The following FXN variants were observed in gnomAD, a reference collection of about 807,000 sequenced individuals.
FXN encodes frataxin, also known as frataxin, mitochondrial.
In FXN, 14 loss-of-function variants were observed where a neutral mutation model predicts 22.4. The ratio of observed to expected loss-of-function variants is 0.62; its 90% CI spans 0.41 to 0.98. The LOEUF (loss-of-function observed/expected upper bound fraction) is 0.98, where lower values mean the gene tolerates loss of function less well. Ranked by LOEUF, FXN falls within the 50% of genes least tolerant of loss-of-function variation. The pLI is 0.00. For missense variants in FXN, 267 were observed against 268.4 expected (o/e 0.99, Z 0.04); for synonymous variants, 120 against 114.1 (o/e 1.05, Z -0.33).
In FXN at chr9:69,075,355, G is replaced by T; in HGVS notation, c.*2593G>T. On this transcript the variant is annotated 3_prime_UTR_variant, in exon 5 of 5. Coordinates refer to ENST00000484259, the MANE Select transcript of FXN (RefSeq NM_000144.5). The stretch of plus-strand genomic sequence containing the variant: ...CGTGCCTATAATTTCAGCTACTCAG[G>T]AGGCTGAGGCAGGAGAATCGCTGTA... The T allele has an allele frequency of 1.7e-6, 1 of 603,130 alleles. No homozygotes were observed. Among genetic ancestry groups the T allele is most frequent in the South Asian group, 7.4e-5 (1 of 13,574 alleles). The allele number at this position is 603,130 out of a possible 1,614,324, so 37.4% of individuals were successfully genotyped here.
intron 1 of FXN, among the ~76,000 whole-genome samples, chr9:69,042,481 G>A (rs7871596): frequency 0.46 from 70,004 of 152,004 alleles, 16,260 homozygotes; most frequent in Non-Finnish European, 0.48. Context: ...CCTTCCTTCA[G>A]AGGAGTAAAC....
At chr9:69,037,896 C>T (rs1831592937) in intron 1 of FXN, among the ~76,000 whole-genome samples, 1 of 152,196 alleles carries the variant, frequency 6.6e-6, no homozygotes, top group Non-Finnish European at 1.5e-5. Context: ...AGGTGATCCG[C>T]CCACCTCGCC....
At chr9:69,046,312 A>G (rs1452685232) in intron 1 of FXN, 73 bp from the exon 2 acceptor site, 3 of 1,037,732 alleles carry the variant, frequency 2.9e-6, no homozygotes, top group Non-Finnish European at 3.0e-6. Flanking sequence ...AGAAGTAGCA[A>G]TATATAAATT....
chr9:69,047,236 G>T (rs1258255319), intron 2 of FXN, among the ~76,000 whole-genome samples: 1 of 151,984 alleles, frequency 6.6e-6, no homozygotes, highest in Non-Finnish European at 1.5e-5. Flanking sequence ...ATGCCCATGT[G>T]GTCACCACAG....
At chr9:69,040,715 TA>T (rs1831642444) in intron 1 of FXN, among the ~76,000 whole-genome samples, 1 of 152,102 alleles carries the variant, frequency 6.6e-6, no homozygotes. Context: ...GCTTATAAAC[TA>T]ATAATAAATG....
At chr9:69,069,258 G>T (rs1190699780) in intron 4 of FXN, among the ~76,000 whole-genome samples, 1 of 152,146 alleles carries the variant, frequency 6.6e-6, no homozygotes, top group Non-Finnish European at 1.5e-5. Flanking sequence ...CCAGCTGCTT[G>T]GGAGACTGAG....
intron 3 of FXN, among the ~76,000 whole-genome samples, chr9:69,054,963 G>T (rs571129055): frequency 4.6e-5 from 7 of 152,310 alleles, no homozygotes; most frequent in African/African-American, 1.7e-4. Flanking sequence ...AGCACTGAAT[G>T]GAGAAGGCAC....
intron 1 of FXN, among the ~76,000 whole-genome samples, chr9:69,040,086 C>T (rs1489505578): frequency 6.6e-6 from 1 of 152,188 alleles, no homozygotes; most frequent in Non-Finnish European, 1.5e-5. Flanking sequence ...TCAATACTGC[C>T]ACATCGGGAA....
intron 3 of FXN, among the ~76,000 whole-genome samples, chr9:69,057,909 C>T (rs770065256): frequency 1.3e-5 from 2 of 152,154 alleles, no homozygotes; most frequent in Non-Finnish European, 2.9e-5. Context: ...CACTGAGTTC[C>T]TCAACAGCAG....
intron 3 of FXN, 95 bp downstream of exon 3, chr9:69,053,355 G>A: frequency 7.0e-7 from 1 of 1,424,058 alleles, no homozygotes; most frequent in South Asian, 1.2e-5. Flanking sequence ...TAAGCATCAA[G>A]TAGCATGTAG....
At chr9:69,046,983 G>T (rs556125293) in intron 2 of FXN, among the ~76,000 whole-genome samples, 1 of 152,344 alleles carries the variant, frequency 6.6e-6, no homozygotes, top group Admixed American at 6.5e-5. Flanking sequence ...GCACAGAAGG[G>T]CTGGAAGTGG....
rs1242218826 is a variant in FXN, at chr9:69,074,027, T to C, written c.*1265T>C. ...GATGAAACCCCGTCTCTACTAAAAA[T>C]ACAAAAAATTAGCCGGGCATGATGG... On this transcript the variant is annotated 3_prime_UTR_variant, in exon 5 of 5. Coordinates refer to ENST00000484259, the MANE Select transcript of FXN (RefSeq NM_000144.5). 3 of 355,126 alleles carry C rather than the reference T, an allele frequency of 8.4e-6. No homozygotes were observed. Among genetic ancestry groups the C allele is most frequent in the Non-Finnish European group, 1.2e-5 (3 of 254,064 alleles). 22.0% of individuals were successfully genotyped at this position (355,126 alleles called of 1,614,324 possible). A position where few individuals can be genotyped will look rare whatever the true frequency, so the allele number is the denominator to read the frequency against.
At chr9:69,037,850 C>G (rs2133091095) in intron 1 of FXN, among the ~76,000 whole-genome samples, 1 of 152,262 alleles carries the variant, frequency 6.6e-6, no homozygotes, top group Non-Finnish European at 1.5e-5. Context: ...ACAGATTTCT[C>G]CATGTTGGTC....
rs144650893 is a variant in FXN at position 69,073,593 on chromosome 9, A to G, written c.*831A>G. ...ATGAAGGGGCAGATAAAGGAAGGAG[A>G]TACTCATGTTGATAAAGAGAGCCCT... On this transcript the variant is annotated 3_prime_UTR_variant, in exon 5 of 5. Coordinates refer to ENST00000484259, the MANE Select transcript of FXN (RefSeq NM_000144.5). 9.3e-4 allele frequency: 916 copies of G among 985,368 alleles called. 3 individuals are homozygous for G. The highest frequency in any genetic ancestry group is 4.7e-3 in the Middle Eastern group (9 of 1,914). The allele number at this position is 985,368 out of a possible 1,614,324, so 61.0% of individuals were successfully genotyped here.
In FXN at chr9:69,077,148, G is replaced by T; in HGVS notation, c.*4386G>T. 1 of 721,734 alleles carries T rather than the reference G, an allele frequency of 1.4e-6. No homozygotes were observed. 44.7% of individuals were successfully genotyped at this position (721,734 alleles called of 1,614,324 possible). On this transcript the variant is annotated 3_prime_UTR_variant, in exon 5 of 5. Coordinates refer to ENST00000484259, the MANE Select transcript of FXN (RefSeq NM_000144.5). ...AGGCTGGTCTTGAACTCCTGACCTA[G>T]TAATCCACCTGCCTCCGCCTCCCAA...
At chr9:69,058,064 A>G (rs1391336167) in intron 3 of FXN, among the ~76,000 whole-genome samples, 1 of 152,188 alleles carries the variant, frequency 6.6e-6, no homozygotes, top group Non-Finnish European at 1.5e-5. Flanking sequence ...ACCTTTTACC[A>G]ACTCGCTACT....
intron 4 of FXN, 132 bp from the exon 5 acceptor site, chr9:69,072,480 T>C (rs1414448619): frequency 9.5e-6 from 13 of 1,368,864 alleles, no homozygotes; most frequent in South Asian, 3.6e-5. Context: ...AAGGCAGATA[T>C]ACACTAGCTC....
chr9:69,043,108 G>C (rs1564329765), intron 1 of FXN, among the ~76,000 whole-genome samples: 1 of 152,162 alleles, frequency 6.6e-6, no homozygotes. Context: ...TCAAAGATGT[G>C]TGCAGAGCGG....
At chr9:69,057,416 T>C (rs1275642597) in intron 3 of FXN, among the ~76,000 whole-genome samples, 1 of 152,198 alleles carries the variant, frequency 6.6e-6, no homozygotes, top group Admixed American at 6.5e-5. Context: ...CCAGATTCTG[T>C]AACCCATTCT....
Sources: allele counts gnomAD v4.1 joint callset (sites outside exome capture counted in the v4.1 genomes callset), GRCh38; gene constraint gnomAD v4.1.1; transcripts MANE v1.5; gene names NCBI Gene and HGNC (gene_info 2026-07-23, HGNC 2026-07-21).